Variants in MAGI2 observed in about 807,000 individuals in gnomAD.
MAGI2 encodes the protein membrane associated guanylate kinase, WW and PDZ domain containing 2.
In MAGI2, 35 loss-of-function variants were observed where a neutral mutation model predicts 133.3. The ratio of observed to expected loss-of-function variants is 0.26; its 90% CI spans 0.20 to 0.35. The LOEUF is 0.35. Among genes scored for constraint, MAGI2 ranks in the 10% least tolerant of loss-of-function variants. MAGI2 has a pLI of 1.00. For synonymous variants in MAGI2, 729 were observed against 710.6 expected (o/e 1.03, Z -0.41); for missense variants, 1,636 against 1,863.4 (o/e 0.88, Z 2.25).
intron 15 of MAGI2, among the ~76,000 whole-genome samples, chr7:78,164,761 G>T (rs1825455853): frequency 6.6e-6 from 1 of 152,212 alleles, no homozygotes; most frequent in African/African-American, 2.4e-5. Context: ...TTTTTATGAA[G>T]TCATAAAATG....
At chr7:78,129,030 G>C (rs750515389) in intron 18 of MAGI2, among the ~76,000 whole-genome samples, 8 of 152,182 alleles carry the variant, frequency 5.3e-5, no homozygotes, top group Non-Finnish European at 1.2e-4. Context: ...TTGGTGGTTT[G>C]GATGTCACAC....
chr7:79,108,801 G>A (rs1167643636), intron 1 of MAGI2, among the ~76,000 whole-genome samples: 1 of 152,188 alleles, frequency 6.6e-6, no homozygotes, highest in Non-Finnish European at 1.5e-5. Context: ...TTAGATCATA[G>A]GGGTGGATCC....
intron 3 of MAGI2, among the ~76,000 whole-genome samples, chr7:78,563,020 C>A (rs1397446316): frequency 1.3e-5 from 2 of 148,710 alleles, no homozygotes; most frequent in African/African-American, 5.0e-5. Flanking sequence ...AATGAGTGGT[C>A]ATTTGATTGT....
intron 1 of MAGI2, among the ~76,000 whole-genome samples, chr7:79,239,479 T>G (rs2129554876): frequency 6.6e-6 from 1 of 152,310 alleles, no homozygotes; most frequent in South Asian, 2.1e-4. Context: ...TTATCAAAAC[T>G]TTACCGACCG....
At chr7:79,297,834 G>A (rs935430874) in intron 1 of MAGI2, among the ~76,000 whole-genome samples, 1 of 152,204 alleles carries the variant, frequency 6.6e-6, no homozygotes, top group African/African-American at 2.4e-5. Context: ...GGACAGTTTT[G>A]AAGTACTATC....
At chr7:78,254,809 C>T (rs969618309) in intron 10 of MAGI2, 1 of 152,218 alleles carries the variant, frequency 6.6e-6, no homozygotes, top group East Asian at 1.9e-4. Context: ...GTTTGTCACA[C>T]GTGTGTCCTT....
rs565989795 is a variant in MAGI2 at position 79,266,658 on chromosome 7, A to G, written c.301+186362T>C. Among the ~76,000 whole-genome samples the G allele has an allele frequency of 3.3e-5, 5 of 152,254 alleles. No individual in the cohort carries two copies. In the South Asian group the frequency reaches 1.0e-3, roughly 32 times the overall value. ...GAAGCCAGCTACATGACATGGCAAC[A>G]TTTTTCTTAATAGTCTTTAAGAACT... On this transcript the variant is annotated intron_variant, in intron 1 of 21. Coordinates refer to ENST00000354212, the MANE Select transcript of MAGI2 (RefSeq NM_012301.4).
At chr7:79,412,682 C>A (rs1319934614) in intron 1 of MAGI2, 1 of 152,122 alleles carries the variant, frequency 6.6e-6, no homozygotes, top group Non-Finnish European at 1.5e-5. Context: ...AGATACGGTA[C>A]TGGTTTGTTT....
intron 3 of MAGI2, among the ~76,000 whole-genome samples, chr7:78,577,665 C>CG (rs1442411651): frequency 7.2e-4 from 68 of 94,132 alleles, no homozygotes; most frequent in Non-Finnish European, 1.1e-3. Context: ...GGGCAGGAGT[C>CG]GGGGGGTCAC....
In MAGI2 at chr7:78,807,373, A is replaced by G. The variant is rs577499157; in HGVS notation, c.419-180134T>C. Among the ~76,000 whole-genome samples the G allele has an allele frequency of 4.7e-4, 72 of 152,284 alleles. 1 individual carries two copies. The South Asian group carries it at 0.015, about 31-fold the overall frequency. On this transcript the variant is annotated intron_variant, in intron 2 of 21. Coordinates refer to ENST00000354212, the MANE Select transcript of MAGI2 (RefSeq NM_012301.4). ...AATTTAAAAAGCTATTTTTCAAAAC[A>G]TATTTGAAAAGAGTGACACTGTTTT...
At chr7:78,954,773 A>G (rs1385166263) in intron 2 of MAGI2, among the ~76,000 whole-genome samples, 1 of 152,172 alleles carries the variant, frequency 6.6e-6, no homozygotes, top group East Asian at 1.9e-4. Context: ...GGAGTATGGT[A>G]GTTGTGATCA....
At chr7:78,757,794 A>C (rs1342050850) in intron 2 of MAGI2, among the ~76,000 whole-genome samples, 1 of 152,148 alleles carries the variant, frequency 6.6e-6, no homozygotes, top group Non-Finnish European at 1.5e-5. Context: ...TAGTACAGAA[A>C]GTGTTCTTTT....
rs567609637 is a variant in MAGI2, at chr7:78,821,386, A to G, written c.418+185704T>C. On this transcript the variant is annotated intron_variant, in intron 2 of 21. Transcript: ENST00000354212. ...ATAGACAACAAATAACAAAATGAACATGTAAGTCAATAACAGGTTGATAAG... is the reference window on the plus strand; with the variant it reads ...ATAGACAACAAATAACAAAATGAACGTGTAAGTCAATAACAGGTTGATAAG... 3.3e-5 allele frequency among the ~76,000 whole-genome samples: 5 copies of G among 152,166 alleles called. No homozygotes were observed. The East Asian group carries it at 9.7e-4, about 29-fold the overall frequency.
At chr7:79,213,206 A>G (rs374102313) in intron 1 of MAGI2, among the ~76,000 whole-genome samples, 3,883 of 121,784 alleles carry the variant, frequency 0.032, 81 homozygotes, top group Middle Eastern at 0.05. Flanking sequence ...ATTTTTCTGT[A>G]TTTTTCTGTA....
intron 9 of MAGI2, among the ~76,000 whole-genome samples, chr7:78,274,096 T>C (rs969269451): frequency 6.6e-6 from 1 of 152,202 alleles, no homozygotes; most frequent in African/African-American, 2.4e-5. Flanking sequence ...GTCCTTGATG[T>C]TGGGGACCTT....
At chr7:79,389,807 G>C (rs371745943) in intron 1 of MAGI2, among the ~76,000 whole-genome samples, 1 of 152,136 alleles carries the variant, frequency 6.6e-6, no homozygotes, top group African/African-American at 2.4e-5. Flanking sequence ...AGAAGACTAG[G>C]GCTGGCTGGG....
intron 3 of MAGI2, among the ~76,000 whole-genome samples, chr7:78,526,418 G>A (rs1288623559): frequency 2.0e-5 from 3 of 152,134 alleles, no homozygotes; most frequent in Non-Finnish European, 4.4e-5. Context: ...GAATATGTTT[G>A]TACTTGTGAA....
intron 1 of MAGI2, among the ~76,000 whole-genome samples, chr7:79,255,677 G>T (rs995495735): frequency 6.6e-6 from 1 of 152,080 alleles, no homozygotes; most frequent in Non-Finnish European, 1.5e-5. Context: ...GGAAATCGAA[G>T]AATATTAGAG....
intron 3 of MAGI2, among the ~76,000 whole-genome samples, chr7:78,585,581 A>C (rs1017299647): frequency 6.6e-6 from 1 of 152,154 alleles, no homozygotes; most frequent in African/African-American, 2.4e-5. Context: ...CAGCTGAGAG[A>C]GCAGCACCTG....
Sources: gnomAD v4.1 joint callset for allele counts (sites outside exome capture counted in the v4.1 genomes callset) on GRCh38, gnomAD v4.1.1 for gene constraint, MANE v1.5 for transcripts, NCBI Gene and HGNC (gene_info 2026-07-23, HGNC 2026-07-21) for gene names.